The following E2F3 variants were observed in gnomAD, a reference collection of about 807,000 sequenced individuals.
E2F3 encodes the protein E2F transcription factor 3, also known as transcription factor E2F3.
Under a neutral mutation model 44.4 loss-of-function variants are expected in E2F3, and 11 were observed. The ratio of observed to expected loss-of-function variants is 0.25; its 90% CI spans 0.16 to 0.41. The LOEUF (loss-of-function observed/expected upper bound fraction) is 0.41, where lower values mean the gene tolerates loss of function less well. Among genes scored for constraint, E2F3 ranks in the 10% least tolerant of loss-of-function variants. The pLI is 1.00. For missense variants in E2F3, 487 were observed against 583.6 expected (o/e 0.83, Z 1.70); for synonymous variants, 249 against 253.0 (o/e 0.98, Z 0.15).
At chr6:20,483,161 G>A (rs1478153598) in intron 4 of E2F3, among the ~76,000 whole-genome samples, 2 of 152,162 alleles carry the variant, frequency 1.3e-5, no homozygotes, top group East Asian at 3.9e-4. Context: ...TATCTATTTT[G>A]ATACCAGGTG....
chr6:20,448,114 T>C (rs1761009224), intron 1 of E2F3, among the ~76,000 whole-genome samples: 1 of 152,230 alleles, frequency 6.6e-6, no homozygotes, highest in Non-Finnish European at 1.5e-5. Context: ...ATTTTCCTTG[T>C]CCAGGCAGAT....
chr6:20,467,873 A>G (rs1761764629), intron 1 of E2F3, among the ~76,000 whole-genome samples: 1 of 151,680 alleles, frequency 6.6e-6, no homozygotes, highest in Non-Finnish European at 1.5e-5. Context: ...ATGCCACTCC[A>G]TACCATGGGT....
At chr6:20,418,749 A>G (rs140318859) in intron 1 of E2F3, among the ~76,000 whole-genome samples, 127 of 152,230 alleles carry the variant, frequency 8.3e-4, no homozygotes, top group African/African-American at 3.0e-3. Flanking sequence ...GAGTACTGCT[A>G]GCCACTTATG....
intron 1 of E2F3, among the ~76,000 whole-genome samples, chr6:20,424,786 C>T (rs1255943292): frequency 6.6e-6 from 1 of 152,082 alleles, no homozygotes; most frequent in Non-Finnish European, 1.5e-5. Context: ...TACAACAAAC[C>T]TTGAGAGTTG....
chr6:20,403,725 C>G (rs969543934), intron 1 of E2F3: 8 of 1,338,996 alleles, frequency 6.0e-6, no homozygotes, highest in Non-Finnish European at 8.0e-6. Flanking sequence ...CGGCGCCCGC[C>G]CTCGCCCTGC....
chr6:20,459,146 C>A (rs576182077), intron 1 of E2F3, among the ~76,000 whole-genome samples: 1 of 152,286 alleles, frequency 6.6e-6, no homozygotes, highest in East Asian at 1.9e-4. Flanking sequence ...GTGGCCGACA[C>A]CTGTAATCCC....
intron 1 of E2F3, among the ~76,000 whole-genome samples, chr6:20,426,497 A>G (rs190974434): frequency 3.4e-4 from 51 of 152,168 alleles, no homozygotes; most frequent in East Asian, 5.8e-4. Flanking sequence ...TTTATTTAGC[A>G]CTTGCCGCCC....
chr6:20,480,601 G>C (rs1378689284), intron 2 of E2F3, among the ~76,000 whole-genome samples: 1 of 152,298 alleles, frequency 6.6e-6, no homozygotes, highest in African/African-American at 2.4e-5. Context: ...GTGCACCTAT[G>C]GGGGAACAAG....
intron 1 of E2F3, among the ~76,000 whole-genome samples, chr6:20,453,841 TAAAACAA>T: frequency 6.6e-6 from 1 of 152,360 alleles, no homozygotes; most frequent in Admixed American, 6.5e-5. Context: ...TATTCCCTTG[TAAAACAA>T]GAAACTGTGG....
chr6:20,476,914 G>A (rs963518068), intron 1 of E2F3, among the ~76,000 whole-genome samples: 7 of 152,168 alleles, frequency 4.6e-5, no homozygotes, highest in South Asian at 2.1e-4. Context: ...TTGTCCTTCC[G>A]GAGCCATTAG....
chr6:20,442,363 G>T (rs1336888079), intron 1 of E2F3, among the ~76,000 whole-genome samples: 1 of 152,124 alleles, frequency 6.6e-6, no homozygotes, highest in Non-Finnish European at 1.5e-5. Context: ...TTTATCTTGT[G>T]CTGCTTACCC....
At chr6:20,422,762 C>T (rs545836671) in intron 1 of E2F3, among the ~76,000 whole-genome samples, 1 of 152,194 alleles carries the variant, frequency 6.6e-6, no homozygotes, top group South Asian at 2.1e-4. Context: ...CGCACAATGG[C>T]TATCAATTAA....
intron 4 of E2F3, among the ~76,000 whole-genome samples, chr6:20,485,633 T>C (rs4134957): frequency 0.28 from 42,327 of 152,124 alleles, 7,355 homozygotes; most frequent in African/African-American, 0.49. Flanking sequence ...CTTTTCTCTT[T>C]TCCTAAATCA....
chr6:20,474,843 G>C (rs1761997371), intron 1 of E2F3, among the ~76,000 whole-genome samples: 1 of 152,216 alleles, frequency 6.6e-6, no homozygotes, highest in South Asian at 2.1e-4. Context: ...GGTAATATGT[G>C]GTCCCCACAA....
At chr6:20,472,719 C>T (rs753788857) in intron 1 of E2F3, among the ~76,000 whole-genome samples, 2 of 152,020 alleles carry the variant, frequency 1.3e-5, no homozygotes, top group African/African-American at 2.4e-5. Context: ...ACTGAGACCT[C>T]GGGTAAATCC....
intron 1 of E2F3, among the ~76,000 whole-genome samples, chr6:20,447,269 C>G (rs964988913): frequency 6.6e-6 from 1 of 151,998 alleles, no homozygotes; most frequent in East Asian, 1.9e-4. Flanking sequence ...TGTGAACTTT[C>G]TTGCCCAAGG....
intron 1 of E2F3, among the ~76,000 whole-genome samples, chr6:20,457,103 A>G (rs1263940955): frequency 6.6e-6 from 1 of 151,888 alleles, no homozygotes; most frequent in Non-Finnish European, 1.5e-5. Flanking sequence ...ACACCTAGAA[A>G]TAAGTTTAGC....
intron 1 of E2F3, among the ~76,000 whole-genome samples, chr6:20,460,647 A>G (rs970545552): frequency 6.6e-6 from 1 of 152,136 alleles, no homozygotes; most frequent in South Asian, 2.1e-4. Context: ...CATGTTTTTC[A>G]GTATTTCTCT....
intron 1 of E2F3, among the ~76,000 whole-genome samples, chr6:20,437,666 A>G (rs1023377600): frequency 1.3e-5 from 2 of 152,232 alleles, no homozygotes; most frequent in African/African-American, 4.8e-5. Context: ...GGTTTAGAGA[A>G]GTTTGTAATA....
Sources: gnomAD v4.1 joint callset for allele counts (sites outside exome capture counted in the v4.1 genomes callset) on GRCh38, gnomAD v4.1.1 for gene constraint, MANE v1.5 for transcripts, NCBI Gene and HGNC (gene_info 2026-07-23, HGNC 2026-07-21) for gene names.